Variants in ANKRD31 observed in about 807,000 individuals in gnomAD.
The protein encoded by ANKRD31 is ankyrin repeat domain 31, also known as ankyrin repeat domain-containing protein 31.
ANKRD31 carries 147 observed loss-of-function variants against 186.0 expected under a neutral mutation model. The observed-to-expected ratio is 0.79, with a 90% CI of 0.69 to 0.91. ANKRD31 has a LOEUF of 0.91. ANKRD31 is among the 40% of genes least tolerant of loss of function. The pLI, the probability that ANKRD31 is intolerant of heterozygous loss-of-function variation, is 0.00. For synonymous variants in ANKRD31, 673 were observed against 736.4 expected (o/e 0.91, Z 1.39); for missense variants, 1,986 against 2,148.8 (o/e 0.92, Z 1.50).
chr5:75,229,433 ATCT>A (rs1416548285), intron 2 of ANKRD31, among the ~76,000 whole-genome samples: 2 of 152,178 alleles, frequency 1.3e-5, no homozygotes, highest in Non-Finnish European at 2.9e-5. Flanking sequence ...AATCTTAAGC[ATCT>A]TCTGGAAGCT....
intron 17 of ANKRD31, among the ~76,000 whole-genome samples, chr5:75,137,294 A>G (rs769003248): frequency 3.3e-5 from 5 of 152,200 alleles, no homozygotes; most frequent in Non-Finnish European, 4.4e-5. Flanking sequence ...TGTCAAACAG[A>G]AAGATGAGTG....
In ANKRD31 at chr5:75,178,919, C is replaced by T. The variant is rs182460786; in HGVS notation, c.1564+9574G>A. ...CTGAAGGAAATAGAGACACAAAAAA[C>T]GCTTCAAAAATTAATGAATCCAGGA... is the stretch of plus-strand genomic sequence containing the variant. On this transcript the variant is annotated intron_variant, in intron 10 of 25. Transcript: ENST00000506364. Among the ~76,000 whole-genome samples the T allele has an allele frequency of 1.6e-3, 246 of 152,224 alleles. 7 individuals carry two copies. The East Asian group carries it at 0.038, about 23-fold the overall frequency.
At chr5:75,216,045 T>C (rs1255294496) in intron 3 of ANKRD31, among the ~76,000 whole-genome samples, 1 of 152,130 alleles carries the variant, frequency 6.6e-6, no homozygotes, top group Non-Finnish European at 1.5e-5. Flanking sequence ...AAGTAGGATA[T>C]AAAAGAAAGT....
chr5:75,116,770 TAAGTC>T lies in ANKRD31; in HGVS notation c.4040-94_4040-90del, dbSNP rs145348619. 8.7e-5 allele frequency: 55 copies of T among 632,920 alleles called. No individual in the cohort carries two copies. The African/African-American group carries it at 9.8e-4, about 11-fold the overall frequency. The allele number at this position is 632,920 out of a possible 1,614,324, so 39.2% of individuals were successfully genotyped here. ...TTTAATGTGATGGGGATGAGAAGGA[TAAGTC>T]AAGTCTGCAACTATTATAATATCTT... is the stretch of plus-strand genomic sequence containing the variant. On this transcript the variant is annotated intron_variant, in intron 18 of 25. Transcript: ENST00000506364.
chr5:75,189,417 C>A (rs1211971917), intron 9 of ANKRD31, among the ~76,000 whole-genome samples: 1 of 152,134 alleles, frequency 6.6e-6, no homozygotes, highest in Non-Finnish European at 1.5e-5. Context: ...AGCTATCCTG[C>A]CCCATCCTAA....
intron 17 of ANKRD31, among the ~76,000 whole-genome samples, chr5:75,122,982 A>G (rs918813825): frequency 2.0e-5 from 3 of 152,174 alleles, no homozygotes; most frequent in African/African-American, 4.8e-5. Flanking sequence ...GTTGGAAAAG[A>G]GGAAGTCAGA....
At chr5:75,181,918 A>T (rs1323626293) in intron 10 of ANKRD31, among the ~76,000 whole-genome samples, 2 of 151,940 alleles carry the variant, frequency 1.3e-5, no homozygotes, top group Non-Finnish European at 2.9e-5. Context: ...CCACATGTTG[A>T]ACATGGTAGA....
Position 75,118,192 on chromosome 5 carries a change from T to G in ANKRD31, c.3982A>C (p.Arg1328=). The stretch of plus-strand genomic sequence containing the variant: ...ACAGTCTCAATAGCACCATAAGATC[T>G]TAGTAATTCTTTCATTTTTTCATCA... ...ADDEKMKELL[R]SYGAIETVNR... Residue 1328 remains arginine (R), a synonymous_variant, in exon 18 of 26, where the codon AGA becomes CGA. Coordinates refer to ENST00000506364, the MANE Select transcript of ANKRD31 (RefSeq NM_001372053.1). The G allele has an allele frequency of 1.3e-6, 2 of 1,528,138 alleles. No individual in the cohort carries two copies. Among genetic ancestry groups the G allele is most frequent in the Non-Finnish European group, 1.7e-6 (2 of 1,144,248 alleles). The allele number at this position is 1,528,138 out of a possible 1,614,324, so 94.7% of individuals were successfully genotyped here. A position where few individuals can be genotyped will look rare whatever the true frequency, so the allele number is the denominator to read the frequency against.
intron 17 of ANKRD31, among the ~76,000 whole-genome samples, chr5:75,126,343 G>A (rs1422630061): frequency 1.3e-5 from 2 of 152,264 alleles, no homozygotes; most frequent in South Asian, 4.1e-4. Flanking sequence ...TTGGGAGGCT[G>A]AAGCAGGAGA....
rs138730679 is a variant in ANKRD31 at position 75,162,116 on chromosome 5, A to C, written c.1707+6863T>G. On this transcript the variant is annotated intron_variant, in intron 11 of 25. Transcript: ENST00000506364. ...TGTCCTCCAGACCCCAGAATGGTAG[A>C]TCCACTGACAGTTTGCACCATGTGC... 7.4e-4 allele frequency among the ~76,000 whole-genome samples: 113 copies of C among 152,284 alleles called. 1 individual carries two copies. The highest frequency in any genetic ancestry group is 2.6e-3 in the African/African-American group (107 of 41,556).
At position 75,068,598 on chromosome 5, in the gene ANKRD31, C is replaced by G; in HGVS notation, c.5714G>C (p.Ser1905Thr). The G allele has an allele frequency of 6.6e-7, 1 of 1,525,180 alleles. No homozygotes were observed. Among genetic ancestry groups the G allele is most frequent in the Non-Finnish European group, 8.8e-7 (1 of 1,141,838 alleles). The allele number at this position is 1,525,180 out of a possible 1,614,324, so 94.5% of individuals were successfully genotyped here. Residue 1905 changes from serine to threonine, a missense_variant, in exon 26 of 26, where the codon AGT becomes ACT. Physicochemically the swap from Ser to Thr is moderately conservative, Grantham distance 58. Transcript: ENST00000506364. ...YLQINEILLISDQEFLPCHIM... is the reference protein window; with the variant it reads ...YLQINEILLITDQEFLPCHIM... ...GTGGCATGGGAGAAATTCTTGATCA[C>G]TGATTAATAGTATTTCATTTATTTG...
At chr5:75,115,764 T>G (rs1033051993) in intron 19 of ANKRD31, among the ~76,000 whole-genome samples, 8 of 151,196 alleles carry the variant, frequency 5.3e-5, no homozygotes, top group South Asian at 2.1e-4. Context: ...AAACAACAGG[T>G]GCTGGAGAGG....
chr5:75,123,460 C>G (rs1204478624), intron 17 of ANKRD31, among the ~76,000 whole-genome samples: 1 of 151,794 alleles, frequency 6.6e-6, no homozygotes, highest in Non-Finnish European at 1.5e-5. Flanking sequence ...CATATGGAAC[C>G]AAAAAACAGT....
At chr5:75,193,060 C>T (rs772520643) in intron 8 of ANKRD31, among the ~76,000 whole-genome samples, 5 of 152,050 alleles carry the variant, frequency 3.3e-5, no homozygotes, top group African/African-American at 4.8e-5. Flanking sequence ...CTGCTCTTTA[C>T]TCCCCAAGTT....
chr5:75,097,845 G>C (rs1266461932), intron 22 of ANKRD31, among the ~76,000 whole-genome samples: 1 of 152,148 alleles, frequency 6.6e-6, no homozygotes, highest in Admixed American at 6.5e-5. Context: ...TAAGGTGTAA[G>C]GAAGGGATCC....
chr5:75,209,374 T>C (rs919172400), intron 4 of ANKRD31, among the ~76,000 whole-genome samples: 4 of 152,146 alleles, frequency 2.6e-5, no homozygotes, highest in Non-Finnish European at 5.9e-5. Context: ...GCACAGGTGT[T>C]TTACTCAAGA....
rs770179997 is a variant in ANKRD31, at chr5:75,138,868, A to T, written c.3711T>A (p.Asp1237Glu). Residue 1237 changes from aspartate to glutamate, a missense_variant, in exon 16 of 26, where the codon GAT becomes GAA. Physicochemically the swap from Asp to Glu is conservative, Grantham distance 45. Transcript: ENST00000506364. ...AACCTGCATTATCATTTAGATTCAC[A>T]TCTGCTCCAGATTCTATCAGGGCTT... ...LVKALIESGA[D>E]VNLNDNAGWT... The T allele has an allele frequency of 6.5e-7, 1 of 1,536,538 alleles. No individual in the cohort carries two copies. Among genetic ancestry groups the T allele is most frequent in the South Asian group, 1.2e-5 (1 of 83,936 alleles).
At chr5:75,232,410 C>T (rs1319197638) in intron 1 of ANKRD31, among the ~76,000 whole-genome samples, 2 of 152,108 alleles carry the variant, frequency 1.3e-5, no homozygotes, top group Non-Finnish European at 2.9e-5. Flanking sequence ...ATTACAAGTG[C>T]CTGCCATCAG....
At chr5:75,129,727 A>T (rs1412775993) in intron 17 of ANKRD31, among the ~76,000 whole-genome samples, 1 of 152,204 alleles carries the variant, frequency 6.6e-6, no homozygotes, top group African/African-American at 2.4e-5. Context: ...GCGATGCAGA[A>T]GATGGTTGAT....
Sources: allele counts gnomAD v4.1 joint callset (sites outside exome capture counted in the v4.1 genomes callset), GRCh38; gene constraint gnomAD v4.1.1; transcripts MANE v1.5; gene names NCBI Gene and HGNC (gene_info 2026-07-23, HGNC 2026-07-21).